Variants in PAFAH1B1 observed in about 807,000 individuals in gnomAD.
The protein encoded by PAFAH1B1 is platelet activating factor acetylhydrolase 1b regulatory subunit 1, also known as platelet-activating factor acetylhydrolase IB subunit beta.
In PAFAH1B1, 2 loss-of-function variants were observed where a neutral mutation model predicts 57.5. The ratio of observed to expected loss-of-function variants is 0.03; its 90% confidence interval spans 0.01 to 0.11. PAFAH1B1 has a LOEUF of 0.11. PAFAH1B1 is among the 10% of genes least tolerant of loss of function. PAFAH1B1 has a pLI of 1.00. For missense variants in PAFAH1B1, 257 were observed against 512.0 expected (o/e 0.50, Z 4.81); for synonymous variants, 152 against 169.6 (o/e 0.90, Z 0.81).
At chr17:2,656,145 C>T (rs144211463) in intron 2 of PAFAH1B1, among the ~76,000 whole-genome samples, 2,490 of 152,150 alleles carry the variant, frequency 0.016, 28 homozygotes, top group Middle Eastern at 0.044. Context: ...AGGCTGGTCT[C>T]GAACTCCTAA....
chr17:2,638,400 G>A, intron 2 of PAFAH1B1, 80 bp downstream of exon 2: 1 of 1,133,958 alleles, frequency 8.8e-7, no homozygotes. Flanking sequence ...AGCTTTGGGA[G>A]GTCTCTTCTA....
chr17:2,672,069 G>C (rs2069191686), intron 6 of PAFAH1B1, among the ~76,000 whole-genome samples: 1 of 152,038 alleles, frequency 6.6e-6, no homozygotes, highest in African/African-American at 2.4e-5. Flanking sequence ...AGGAGTTCGA[G>C]ACCAGTGTGA....
chr17:2,636,963 C>T (rs2068632541), intron 1 of PAFAH1B1, among the ~76,000 whole-genome samples: 1 of 152,030 alleles, frequency 6.6e-6, no homozygotes, highest in Non-Finnish European at 1.5e-5. Context: ...TCAAGTGATC[C>T]TCTTGCCTTA....
chr17:2,643,384 G>C (rs925879968), intron 2 of PAFAH1B1, among the ~76,000 whole-genome samples: 7 of 152,038 alleles, frequency 4.6e-5, no homozygotes, highest in African/African-American at 1.7e-4. Flanking sequence ...CCCCCTAATA[G>C]CTGGGATTAC....
At chr17:2,659,462 G>T in intron 2 of PAFAH1B1, 1 of 274,468 alleles carries the variant, frequency 3.6e-6, no homozygotes, top group Non-Finnish European at 7.5e-6. Context: ...GTGAGGTTGT[G>T]GTGAGCTGAG....
chr17:2,664,529 C>T (rs930135419), intron 2 of PAFAH1B1, among the ~76,000 whole-genome samples: 1 of 152,052 alleles, frequency 6.6e-6, no homozygotes, highest in Admixed American at 6.6e-5. Flanking sequence ...CCTTGGCCTC[C>T]CGAGTAGCTG....
At chr17:2,671,628 C>T (rs771984984) in intron 6 of PAFAH1B1, among the ~76,000 whole-genome samples, 7 of 110,294 alleles carry the variant, frequency 6.3e-5, no homozygotes, top group Non-Finnish European at 1.2e-4. Flanking sequence ...CTGGAGATGG[C>T]CTCTTGCTTT....
chr17:2,607,453 G>A (rs918236645), intron 1 of PAFAH1B1, among the ~76,000 whole-genome samples: 1 of 151,466 alleles, frequency 6.6e-6, no homozygotes, highest in African/African-American at 2.4e-5. Flanking sequence ...GGGATTACAG[G>A]TGTGAGCCAC....
intron 1 of PAFAH1B1, chr17:2,613,756 C>G: frequency 3.3e-6 from 1 of 302,534 alleles, no homozygotes; most frequent in Non-Finnish European, 6.7e-6. Flanking sequence ...CAGAGAGTCC[C>G]CCTGTGGCGC....
intron 1 of PAFAH1B1, among the ~76,000 whole-genome samples, chr17:2,604,756 C>T (rs894511566): frequency 2.0e-5 from 3 of 151,876 alleles, no homozygotes; most frequent in Non-Finnish European, 4.4e-5. Context: ...TGGAGTGAGC[C>T]GAGATGGCGG....
At position 2,684,689 on chromosome 17, in the gene PAFAH1B1, G is replaced by A. The variant is rs1402328809; in HGVS notation, c.*2887G>A. The A allele has an allele frequency of 6.6e-6, 1 of 152,664 alleles. No homozygotes were observed. The highest frequency in any genetic ancestry group is 1.5e-5 in the Non-Finnish European group (1 of 68,068). 9.5% of individuals were successfully genotyped at this position (152,664 alleles called of 1,614,324 possible). On this transcript the variant is annotated 3_prime_UTR_variant, in exon 11 of 11. Transcript: ENST00000397195. Reference sequence around the variant, plus strand: ...GGCATCTTGCACTTTAGGAGACTAAGACCGTCCTGGTTCGTCTGTGTGTGG... The same window carrying A: ...GGCATCTTGCACTTTAGGAGACTAAAACCGTCCTGGTTCGTCTGTGTGTGG...
chr17:2,644,176 T>A (rs2068736581), intron 2 of PAFAH1B1, among the ~76,000 whole-genome samples: 1 of 152,066 alleles, frequency 6.6e-6, no homozygotes, highest in Admixed American at 6.6e-5. Context: ...TTTTTTTTTT[T>A]TCTTACCAAT....
chr17:2,599,386 A>C (rs2068115584), intron 1 of PAFAH1B1, among the ~76,000 whole-genome samples: 1 of 152,144 alleles, frequency 6.6e-6, no homozygotes, highest in South Asian at 2.1e-4. Flanking sequence ...TAAATGGTGA[A>C]AGTTGGTGGT....
intron 4 of PAFAH1B1, 92 bp downstream of exon 4, chr17:2,666,182 C>A: frequency 8.8e-7 from 1 of 1,133,734 alleles, no homozygotes. Context: ...ATAATTGCAT[C>A]TAATCTTTAA....
chr17:2,616,113 A>C (rs1314640343), intron 1 of PAFAH1B1, among the ~76,000 whole-genome samples: 5 of 152,190 alleles, frequency 3.3e-5, no homozygotes, highest in Non-Finnish European at 7.3e-5. Context: ...TTGTTGTAGA[A>C]TGGAGAGCAG....
intron 1 of PAFAH1B1, among the ~76,000 whole-genome samples, chr17:2,597,679 A>G (rs7216860): frequency 0.29 from 43,623 of 151,080 alleles, 6,472 homozygotes; most frequent in Middle Eastern, 0.36. Flanking sequence ...AAAGTTCTGG[A>G]ATTACAGATG....
At chr17:2,628,824 T>C (rs1809916394) in intron 1 of PAFAH1B1, among the ~76,000 whole-genome samples, 1 of 152,192 alleles carries the variant, frequency 6.6e-6, no homozygotes, top group Non-Finnish European at 1.5e-5. Context: ...AGGAGGGTTG[T>C]GTTTTTCCAA....
chr17:2,676,448 A>T, intron 8 of PAFAH1B1, 57 bp from the exon 9 acceptor site: 2 of 1,072,062 alleles, frequency 1.9e-6, no homozygotes, highest in Non-Finnish European at 2.9e-6. Flanking sequence ...GAAGCCATTT[A>T]AAGTCCATAC....
chr17:2,665,501 T>A, intron 3 of PAFAH1B1, 45 bp downstream of exon 3: 21 of 1,091,328 alleles, frequency 1.9e-5, no homozygotes, highest in Non-Finnish European at 2.6e-5. Flanking sequence ...AATGAGTGGA[T>A]TTTCACTCAA....
Sources: gnomAD v4.1 joint callset for allele counts (sites outside exome capture counted in the v4.1 genomes callset) on GRCh38, gnomAD v4.1.1 for gene constraint, MANE v1.5 for transcripts, NCBI Gene and HGNC (gene_info 2026-07-23, HGNC 2026-07-21) for gene names.